STRBP: variants seen among roughly 807,000 people sequenced by gnomAD.
STRBP encodes spermatid perinuclear RNA binding protein, also known as spermatid perinuclear RNA-binding protein.
A neutral mutation model predicts 80.1 loss-of-function variants in STRBP; 13 were observed. That is an observed-to-expected ratio of 0.16 (90% CI 0.11 to 0.26). The LOEUF (loss-of-function observed/expected upper bound fraction) is 0.26, where lower values mean the gene tolerates loss of function less well. Ranked by LOEUF, STRBP falls within the 10% of genes least tolerant of loss-of-function variation. The pLI is 1.00. For synonymous variants in STRBP, 284 were observed against 291.2 expected, an observed-to-expected ratio of 0.98 and a Z score of 0.25; for missense variants, 485 against 815.2, an observed-to-expected ratio of 0.59 and a Z score of 4.93.
At position 123,260,482 on chromosome 9, in the gene STRBP, T is replaced by G. The variant is rs562017118; in HGVS notation, c.-302+7954A>C. On this transcript the variant is annotated intron_variant, in intron 1 of 18. Transcript: ENST00000348403. Reference sequence around the variant, plus strand: ...TGAGGCATTATCTTTATGTTACAGATAAGGAACCAGAAGCTCAGAGAGAGT... The same window carrying G: ...TGAGGCATTATCTTTATGTTACAGAGAAGGAACCAGAAGCTCAGAGAGAGT... Among the ~76,000 whole-genome samples, 13 of 152,316 alleles carry G rather than the reference T, an allele frequency of 8.5e-5. No individual in the cohort carries two copies. In the East Asian group the frequency reaches 2.5e-3, roughly 29 times the overall value.
At chr9:123,144,643 AT>A (rs541158894) in intron 13 of STRBP, among the ~76,000 whole-genome samples, 226 of 152,292 alleles carry the variant, frequency 1.5e-3, no homozygotes, top group African/African-American at 5.0e-3. Context: ...AGAACTATGA[AT>A]TTTTTCCCCT....
intron 4 of STRBP, among the ~76,000 whole-genome samples, chr9:123,176,551 A>C (rs1271334572): frequency 6.6e-6 from 1 of 152,184 alleles, no homozygotes; most frequent in African/African-American, 2.4e-5. Flanking sequence ...AGGAGTGGAG[A>C]AAGGAAGATA....
intron 11 of STRBP, among the ~76,000 whole-genome samples, chr9:123,152,704 TG>T (rs897118855): frequency 6.6e-6 from 1 of 152,018 alleles, no homozygotes; most frequent in African/African-American, 2.4e-5. Context: ...TAAATCTTAG[TG>T]GTTTCCCGGG....
chr9:123,248,065 C>T (rs1342960880), intron 1 of STRBP, among the ~76,000 whole-genome samples: 1 of 152,074 alleles, frequency 6.6e-6, no homozygotes. Flanking sequence ...TCTATGAAGT[C>T]TTGAGTGGAG....
chr9:123,242,149 A>T (rs1031563206), intron 1 of STRBP, among the ~76,000 whole-genome samples: 1 of 152,176 alleles, frequency 6.6e-6, no homozygotes, highest in Non-Finnish European at 1.5e-5. Flanking sequence ...GCCTTCCCTG[A>T]TCTAATCAAT....
At chr9:123,176,518 A>T (rs1372914953) in intron 4 of STRBP, among the ~76,000 whole-genome samples, 1 of 152,222 alleles carries the variant, frequency 6.6e-6, no homozygotes, top group Non-Finnish European at 1.5e-5. Context: ...AGTTTGGAGC[A>T]CAGGAAATTT....
intron 5 of STRBP, among the ~76,000 whole-genome samples, chr9:123,170,506 G>A (rs2037963439): frequency 6.6e-6 from 1 of 152,172 alleles, no homozygotes; most frequent in African/African-American, 2.4e-5. Context: ...GGATTATGGA[G>A]CTTTTTAAAG....
chr9:123,241,135 C>T (rs2040685056), intron 1 of STRBP, among the ~76,000 whole-genome samples: 1 of 148,096 alleles, frequency 6.8e-6, no homozygotes, highest in Admixed American at 6.8e-5. Flanking sequence ...GCCAAGATCA[C>T]ACCATGGTAC....
chr9:123,113,455 G>A, intron 3 of STRBP: 1 of 167,366 alleles, frequency 6.0e-6, no homozygotes. Flanking sequence ...CTGCCTTCAG[G>A]GCTTTCCTGA....
Position 123,160,477 on chromosome 9 carries a change from A to T in STRBP, c.628-15T>A. ...TTTGCCCTTGCCTAAAACAAACAAA[A>T]TGATTCCAGATATCCCTATTGAGAT... On this transcript the variant is annotated splice_polypyrimidine_tract_variant and intron_variant, in intron 7 of 18. Coordinates refer to ENST00000348403, the MANE Select transcript of STRBP (RefSeq NM_018387.5). 2 of 1,574,358 alleles carry T rather than the reference A, an allele frequency of 1.3e-6. No individual in the cohort carries two copies. The highest frequency in any genetic ancestry group is 1.7e-6 in the Non-Finnish European group (2 of 1,152,870).
chr9:123,207,573 C>T (rs1349477537), intron 2 of STRBP, among the ~76,000 whole-genome samples: 1 of 151,912 alleles, frequency 6.6e-6, no homozygotes, highest in African/African-American at 2.4e-5. Flanking sequence ...GATTAGAACA[C>T]ATCAGGAAAG....
intron 2 of STRBP, among the ~76,000 whole-genome samples, chr9:123,229,649 A>G (rs576096368): frequency 2.6e-5 from 4 of 152,228 alleles, no homozygotes; most frequent in Non-Finnish European, 4.4e-5. Context: ...TGTTTTTGAT[A>G]GAAGCACATG....
At chr9:123,219,867 G>A (rs1160784403) in intron 2 of STRBP, among the ~76,000 whole-genome samples, 2 of 152,192 alleles carry the variant, frequency 1.3e-5, no homozygotes, top group Non-Finnish European at 2.9e-5. Flanking sequence ...CACACTGCCA[G>A]CTCTCAATAT....
chr9:123,172,654 T>C (rs1023341360), intron 5 of STRBP, among the ~76,000 whole-genome samples: 1 of 152,094 alleles, frequency 6.6e-6, no homozygotes, highest in African/African-American at 2.4e-5. Context: ...TACAGGAGAA[T>C]GTGCCAATCA....
At chr9:123,170,132 C>A in intron 5 of STRBP, 86 bp from the exon 6 acceptor site, 1 of 1,298,882 alleles carries the variant, frequency 7.7e-7, no homozygotes, top group African/African-American at 1.5e-5. Context: ...ACTAAGTTCT[C>A]GAATGTTACT....
At chr9:123,181,525 G>A (rs765373198) in intron 3 of STRBP, among the ~76,000 whole-genome samples, 8 of 152,154 alleles carry the variant, frequency 5.3e-5, no homozygotes, top group South Asian at 2.1e-4. Context: ...GGCCAGGCAC[G>A]GTGGCTCATG....
chr9:123,173,055 A>T (rs898028052), intron 5 of STRBP, among the ~76,000 whole-genome samples: 1 of 152,192 alleles, frequency 6.6e-6, no homozygotes, highest in Non-Finnish European at 1.5e-5. Context: ...GTAGGCTGGC[A>T]GGGCAGGTCC....
intron 3 of STRBP, chr9:123,114,240 A>C (rs2035610393): frequency 6.0e-6 from 1 of 167,128 alleles, no homozygotes; most frequent in Admixed American, 6.5e-5. Flanking sequence ...GTCCATTTCA[A>C]AGCAAAAGTG....
At chr9:123,164,559 G>A (rs923572601) in intron 6 of STRBP, among the ~76,000 whole-genome samples, 4 of 152,124 alleles carry the variant, frequency 2.6e-5, no homozygotes, top group African/African-American at 9.7e-5. Flanking sequence ...CTAGCTATCT[G>A]TCCCTGTTAA....
Sources: allele counts gnomAD v4.1 joint callset (sites outside exome capture counted in the v4.1 genomes callset), GRCh38; gene constraint gnomAD v4.1.1; transcripts MANE v1.5; gene names NCBI Gene and HGNC (gene_info 2026-07-23, HGNC 2026-07-21).